The following NDUFAF7 variants were observed in gnomAD, a reference collection of about 807,000 sequenced individuals.
NDUFAF7 encodes the protein protein arginine methyltransferase NDUFAF7, mitochondrial.
Under a neutral mutation model 47.2 loss-of-function variants are expected in NDUFAF7, and 48 were observed. The ratio of observed to expected loss-of-function variants is 1.02; its 90% confidence interval spans 0.81 to 1.29. NDUFAF7 has a LOEUF of 1.29. Ranked by LOEUF, NDUFAF7 falls within the 50% of genes most tolerant of loss-of-function variation. The pLI, the probability that NDUFAF7 is intolerant of heterozygous loss-of-function variation, is 0.00. For synonymous variants in NDUFAF7, 217 were observed against 190.0 expected (o/e 1.14, Z -1.17); for missense variants, 635 against 537.6 (o/e 1.18, Z -1.79).
At chr2:37,252,083 T>C (rs1162520600), downstream of NDUFAF7, 1 of 152,162 alleles carries the variant, frequency 6.6e-6, no homozygotes, top group Non-Finnish European at 1.5e-5. Context: ...CCCAGCCTTA[T>C]AAACTGTTTC....
chr2:37,234,630 G>GA (rs1182238989), intron 2 of NDUFAF7, among the ~76,000 whole-genome samples: 2 of 152,090 alleles, frequency 1.3e-5, no homozygotes, highest in African/African-American at 4.8e-5. Flanking sequence ...TGTGTGGATT[G>GA]AAAAAATGTT....
chr2:37,251,997 A>T (rs771231205), downstream of NDUFAF7: 1 of 152,226 alleles, frequency 6.6e-6, no homozygotes, highest in Non-Finnish European at 1.5e-5. Flanking sequence ...TATTTTTTAA[A>T]TAGCTGGCTG....
chr2:37,264,263 T>C, the NDUFAF7 span, among the ~76,000 whole-genome samples: 1 of 152,218 alleles, frequency 6.6e-6, no homozygotes, highest in Non-Finnish European at 1.5e-5. Flanking sequence ...AAAGTTTTTT[T>C]CAATCTAACA....
At chr2:37,237,003 T>C (rs747522253) in intron 3 of NDUFAF7, among the ~76,000 whole-genome samples, 6 of 152,156 alleles carry the variant, frequency 3.9e-5, no homozygotes, top group Non-Finnish European at 8.8e-5. Context: ...AGGGTTTTGC[T>C]CTTATTGCCC....
chr2:37,246,110 A>T lies in NDUFAF7; in HGVS notation c.851A>T (p.Glu284Val). 6.2e-7 allele frequency: 1 copy of T among 1,613,926 alleles called. No individual in the cohort carries two copies. The highest frequency in any genetic ancestry group is 1.7e-4 in the Middle Eastern group (1 of 6,060). Reference sequence around the variant, plus strand: ...CCTGATGCTGGTGTTATCATCGAGGAACTTTCTCAACGCATTGCATTAACT... The same window carrying T: ...CCTGATGCTGGTGTTATCATCGAGGTACTTTCTCAACGCATTGCATTAACT... ...VCPDAGVIIE[E>V]LSQRIALTGG... Residue 284 changes from glutamate (E) to valine (V), a missense_variant, in exon 8 of 10, where the codon GAA becomes GTA. Physicochemically the swap from Glu to Val is moderately radical, Grantham distance 121. Transcript: ENST00000002125.
chr2:37,247,337 G>A, intron 8 of NDUFAF7, 119 bp from the exon 9 acceptor site: 2 of 1,222,078 alleles, frequency 1.6e-6, no homozygotes, highest in Non-Finnish European at 2.4e-6. Flanking sequence ...GAGAATTAAT[G>A]AGAGCTCTAT....
the NDUFAF7 span, among the ~76,000 whole-genome samples, chr2:37,271,309 A>G: frequency 0.12 from 17,924 of 152,106 alleles, 1,437 homozygotes; most frequent in East Asian, 0.35. Flanking sequence ...TATGGCCCCG[A>G]TCTAAAAATG....
At chr2:37,247,398 C>G in intron 8 of NDUFAF7, 58 bp from the exon 9 acceptor site, 1 of 1,562,812 alleles carries the variant, frequency 6.4e-7, no homozygotes. Context: ...AATATGATAG[C>G]ATTTCTTTAA....
At chr2:37,255,163 A>G (rs1225346091), downstream of NDUFAF7, among the ~76,000 whole-genome samples, 1 of 152,230 alleles carries the variant, frequency 6.6e-6, no homozygotes, top group African/African-American at 2.4e-5. Context: ...AACACTGGTT[A>G]ACATCAAAAA....
At chr2:37,247,409 T>A in intron 8 of NDUFAF7, 47 bp from the exon 9 acceptor site, 1 of 1,600,352 alleles carries the variant, frequency 6.2e-7, no homozygotes, top group Non-Finnish European at 8.6e-7. Flanking sequence ...ATTTCTTTAA[T>A]CTTAATAACC....
At chr2:37,254,307 A>G (rs763266497), downstream of NDUFAF7, 1 of 1,598,078 alleles carries the variant, frequency 6.3e-7, no homozygotes, top group South Asian at 1.1e-5. Context: ...AAAAGACAAA[A>G]CAAGATACAT....
the NDUFAF7 span, among the ~76,000 whole-genome samples, chr2:37,258,588 CT>C: frequency 1.5e-4 from 23 of 152,272 alleles, no homozygotes; most frequent in East Asian, 4.4e-3. Flanking sequence ...GAGTGTGCAT[CT>C]TTTGTCTACT....
chr2:37,269,525 CTA>C, the NDUFAF7 span: 1 of 1,168,706 alleles, frequency 8.6e-7, no homozygotes, highest in Non-Finnish European at 1.3e-6. Context: ...CTGGACAAAA[CTA>C]TGAGATGACA....
intron 9 of NDUFAF7, 93 bp downstream of exon 9, chr2:37,247,722 G>A: frequency 7.0e-7 from 1 of 1,424,234 alleles, no homozygotes; most frequent in Non-Finnish European, 9.8e-7. Flanking sequence ...TAATGCTCTT[G>A]TAGTTAGCCA....
Position 37,248,800 on chromosome 2 carries a change from G to A in NDUFAF7, c.*450G>A. 1 of 204,242 alleles carries A rather than the reference G, an allele frequency of 4.9e-6. No homozygotes were observed. Among genetic ancestry groups the A allele is most frequent in the Non-Finnish European group, 1.0e-5 (1 of 98,934 alleles). 12.7% of individuals were successfully genotyped at this position (204,242 alleles called of 1,614,324 possible). A position where few individuals can be genotyped will look rare whatever the true frequency, so the allele number is the denominator to read the frequency against. Reference sequence around the variant, plus strand: ...ATGGTGGTACATGCCTGTAATCCCAGCTACTCAGGAGGCTGAGACAGGAGA... The same window carrying A: ...ATGGTGGTACATGCCTGTAATCCCAACTACTCAGGAGGCTGAGACAGGAGA... On this transcript the variant is annotated 3_prime_UTR_variant, in exon 10 of 10. Coordinates refer to ENST00000002125, the MANE Select transcript of NDUFAF7 (RefSeq NM_144736.5).
intron 4 of NDUFAF7, among the ~76,000 whole-genome samples, chr2:37,238,986 C>T (rs1666082099): frequency 6.6e-6 from 1 of 151,786 alleles, no homozygotes; most frequent in South Asian, 2.1e-4. Context: ...TACTGTAACC[C>T]TTGCCAGATT....
At chr2:37,249,815 A>C (rs1453459899), downstream of NDUFAF7, among the ~76,000 whole-genome samples, 2 of 152,148 alleles carry the variant, frequency 1.3e-5, no homozygotes, top group African/African-American at 4.8e-5. Flanking sequence ...ACAGATTTAC[A>C]AGGGAGATTA....
chr2:37,252,686 T>G (rs1384076082), downstream of NDUFAF7: 2 of 152,028 alleles, frequency 1.3e-5, no homozygotes, highest in Non-Finnish European at 2.9e-5. Context: ...AAAGTCCTTA[T>G]AGTAACATCA....
At position 37,243,915 on chromosome 2, in the gene NDUFAF7, C is replaced by G. The variant is rs767578535; in HGVS notation, c.734C>G (p.Ser245Cys). The G allele has an allele frequency of 5.6e-6, 9 of 1,613,970 alleles. No homozygotes were observed. The East Asian group carries it at 2.0e-4, about 36-fold the overall frequency. Residue 245 changes from serine to cysteine, a missense_variant, in exon 7 of 10, where the codon TCT (serine) becomes TGT (cysteine). By Grantham distance (112) the Ser-to-Cys change is moderately radical (BLOSUM62 -1). Transcript: ENST00000002125. ...EVFVDIDPQV[S>C]DKLRFVLAPS... ...TTTGTTGACATTGATCCACAGGTTT[C>G]TGATAAACTGAGGTTTGTTTTGGCA...
Sources: gnomAD v4.1 joint callset for allele counts (sites outside exome capture counted in the v4.1 genomes callset) on GRCh38, gnomAD v4.1.1 for gene constraint, MANE v1.5 for transcripts, NCBI Gene and HGNC (gene_info 2026-07-23, HGNC 2026-07-21) for gene names.